Variants in PLCG2 observed in about 807,000 individuals in gnomAD.
PLCG2 encodes the protein phospholipase C gamma 2.
Under a neutral mutation model 175.6 loss-of-function variants are expected in PLCG2, and 69 were observed. The observed-to-expected ratio is 0.39, with a 90% confidence interval of 0.32 to 0.48. PLCG2 has a LOEUF of 0.48. Ranked by LOEUF, PLCG2 falls within the 20% of genes least tolerant of loss-of-function variation. The probability of loss-of-function intolerance (pLI) is 0.91; values close to 1 mark genes in which losing one functional copy is unlikely to be tolerated. For synonymous variants in PLCG2, 827 were observed against 624.0 expected (o/e 1.33, Z -4.85); for missense variants, 1,798 against 1,650.9 (o/e 1.09, Z -1.54).
chr16:81,806,881 G>A (rs1904283670), intron 2 of PLCG2, among the ~76,000 whole-genome samples: 4 of 151,918 alleles, frequency 2.6e-5, no homozygotes, highest in Admixed American at 2.6e-4. Context: ...GGGTGATGGG[G>A]GCAGAGTTAT....
intron 2 of PLCG2, among the ~76,000 whole-genome samples, chr16:81,786,484 A>T (rs1400401534): frequency 6.6e-6 from 1 of 152,168 alleles, no homozygotes; most frequent in Non-Finnish European, 1.5e-5. Context: ...AGCATCAGGG[A>T]TCGTCTGGTT....
At chr16:81,825,868 A>G (rs911398040) in intron 2 of PLCG2, among the ~76,000 whole-genome samples, 5 of 152,196 alleles carry the variant, frequency 3.3e-5, no homozygotes, top group African/African-American at 1.2e-4. Flanking sequence ...GACAGAGACA[A>G]GATGACAAGG....
intron 8 of PLCG2, among the ~76,000 whole-genome samples, chr16:81,882,164 C>T (rs1234111602): frequency 1.3e-5 from 2 of 152,192 alleles, no homozygotes; most frequent in Non-Finnish European, 2.9e-5. Flanking sequence ...GAAACATACC[C>T]ATTACCCTGG....
chr16:81,748,386 T>C (rs1909744697), intron 1 of PLCG2, among the ~76,000 whole-genome samples: 2 of 150,502 alleles, frequency 1.3e-5, no homozygotes. Flanking sequence ...TGAGACTTTG[T>C]CTCAAACTTA....
At position 81,921,277 on chromosome 16, in the gene PLCG2, G is replaced by C; in HGVS notation, c.2307+8G>C. On this transcript the variant is annotated splice_region_variant and intron_variant, in intron 21 of 32. Transcript: ENST00000564138. ...GAAATCAATCCGTCCATGGTACGGT[G>C]CCGAACCTCCAATTCACATGATTTT... is the stretch of plus-strand genomic sequence containing the variant. 2 of 1,582,866 alleles carry C rather than the reference G, an allele frequency of 1.3e-6. No individual in the cohort carries two copies. Among genetic ancestry groups the C allele is most frequent in the Middle Eastern group, 1.7e-4 (1 of 6,004 alleles).
At chr16:81,940,782 C>T (rs1910907929) in intron 30 of PLCG2, among the ~76,000 whole-genome samples, 1 of 151,754 alleles carries the variant, frequency 6.6e-6, no homozygotes, top group Non-Finnish European at 1.5e-5. Flanking sequence ...TTTACAAAAA[C>T]AAAAAAAACT....
intron 2 of PLCG2, among the ~76,000 whole-genome samples, chr16:81,841,273 G>C (rs936763401): frequency 6.6e-6 from 1 of 151,726 alleles, no homozygotes; most frequent in Non-Finnish European, 1.5e-5. Flanking sequence ...GTCTCACTGA[G>C]TCGCCTAGGC....
intron 2 of PLCG2, among the ~76,000 whole-genome samples, chr16:81,829,141 C>G (rs983730473): frequency 1.3e-5 from 2 of 152,122 alleles, no homozygotes; most frequent in African/African-American, 4.8e-5. Flanking sequence ...CGGAGTCTGG[C>G]TCTGTCACCC....
chr16:81,820,811 G>A (rs1904763726), intron 2 of PLCG2, among the ~76,000 whole-genome samples: 1 of 151,062 alleles, frequency 6.6e-6, no homozygotes, highest in Non-Finnish European at 1.5e-5. Context: ...AGTAGAGGCA[G>A]GGTCTCATCA....
At chr16:81,949,015 A>G (rs1228938762) in intron 31 of PLCG2, among the ~76,000 whole-genome samples, 1 of 152,232 alleles carries the variant, frequency 6.6e-6, no homozygotes, top group Non-Finnish European at 1.5e-5. Flanking sequence ...TTCAGAGAAT[A>G]GACCTGATTT....
At position 81,937,962 on chromosome 16, in the gene PLCG2, C is replaced by T. The variant is rs117005653; in HGVS notation, c.3198+59C>T. The T allele has an allele frequency of 4.8e-3, 7,466 of 1,562,588 alleles. 203 individuals carry two copies. In the Admixed American group the frequency reaches 0.05, roughly 10 times the overall value. On this transcript the variant is annotated intron_variant, in intron 28 of 32. Transcript: ENST00000564138. ...CAGCCGCCCTCCCTGGGGGCTGGGC[C>T]GATGCTGTCTTGAGAGCAGGGAACC...
intron 13 of PLCG2, among the ~76,000 whole-genome samples, chr16:81,897,340 G>C (rs73596847): frequency 0.015 from 2,302 of 152,240 alleles, 46 homozygotes; most frequent in African/African-American, 0.052. Context: ...CAGCTGTTGA[G>C]TACTAGTTTG....
chr16:81,952,389 A>C (rs930463056), intron 31 of PLCG2, among the ~76,000 whole-genome samples: 22 of 152,284 alleles, frequency 1.4e-4, no homozygotes, highest in African/African-American at 4.8e-4. Context: ...TTGGATTCTC[A>C]ATTCCAGATA....
chr16:81,925,013 G>GT (rs1370381663), intron 22 of PLCG2, among the ~76,000 whole-genome samples: 6 of 152,246 alleles, frequency 3.9e-5, no homozygotes. Flanking sequence ...TGCGCACTGG[G>GT]TGGGTGACTA....
chr16:81,830,305 T>C (rs1437266763), intron 2 of PLCG2, among the ~76,000 whole-genome samples: 11 of 151,976 alleles, frequency 7.2e-5, no homozygotes, highest in Non-Finnish European at 2.9e-5. Flanking sequence ...GTCTTGTCTT[T>C]TTCTTCTTCT....
chr16:81,781,332 G>C (rs751229362), intron 1 of PLCG2, among the ~76,000 whole-genome samples: 2 of 151,902 alleles, frequency 1.3e-5, no homozygotes, highest in Non-Finnish European at 2.9e-5. Context: ...CATTCTTTCT[G>C]ATGGCTACTG....
At chr16:81,800,056 A>C (rs774369148) in intron 2 of PLCG2, among the ~76,000 whole-genome samples, 7 of 152,068 alleles carry the variant, frequency 4.6e-5, no homozygotes, top group Non-Finnish European at 1.5e-5. Context: ...TTTTCATTGC[A>C]CTCATCTGTA....
At chr16:81,793,430 A>T (rs983668066) in intron 2 of PLCG2, among the ~76,000 whole-genome samples, 1 of 152,070 alleles carries the variant, frequency 6.6e-6, no homozygotes, top group African/African-American at 2.4e-5. Flanking sequence ...TCAGGAGCCG[A>T]TGTGGTGCCA....
At chr16:81,919,188 C>T (rs1909961264) in intron 19 of PLCG2, among the ~76,000 whole-genome samples, 2 of 152,272 alleles carry the variant, frequency 1.3e-5, no homozygotes, top group South Asian at 2.1e-4. Context: ...GACCTAGTTC[C>T]CTAGGAAGCT....
Sources: gnomAD v4.1 joint callset for allele counts (sites outside exome capture counted in the v4.1 genomes callset) on GRCh38, gnomAD v4.1.1 for gene constraint, MANE v1.5 for transcripts, NCBI Gene and HGNC (gene_info 2026-07-23, HGNC 2026-07-21) for gene names.